The following COX6B1 variants were observed in gnomAD, a reference collection of about 807,000 sequenced individuals.
COX6B1 encodes COX VIb-1.
Under a neutral mutation model 14.0 loss-of-function variants are expected in COX6B1, and 2 were observed. That is an observed-to-expected ratio of 0.14 (90% CI 0.06 to 0.45). The LOEUF is 0.45. Among genes scored for constraint, COX6B1 ranks in the 20% least tolerant of loss-of-function variants. The pLI is 0.98. For missense variants in COX6B1, 81 were observed against 114.2 expected (o/e 0.71, Z 1.33); for synonymous variants, 30 against 39.7 (o/e 0.76, Z 0.92).
At chr19:35,651,560 A>G (rs1967825154) in intron 2 of COX6B1, among the ~76,000 whole-genome samples, 1 of 151,458 alleles carries the variant, frequency 6.6e-6, no homozygotes, top group Admixed American at 6.6e-5. Flanking sequence ...ATTTTTTATT[A>G]TTATTATGGT....
At chr19:35,654,783 C>T (rs1967869143) in intron 3 of COX6B1, 112 bp downstream of exon 3, 1 of 876,644 alleles carries the variant, frequency 1.1e-6, no homozygotes, top group Non-Finnish European at 1.8e-6. Context: ...GACAGGGCAC[C>T]ACACTGTCCC....
intron 3 of COX6B1, among the ~76,000 whole-genome samples, chr19:35,656,100 G>A (rs1568343602): frequency 6.6e-6 from 1 of 152,140 alleles, no homozygotes; most frequent in Non-Finnish European, 1.5e-5. Context: ...AAAGCGCTGG[G>A]ATTATAGGCA....
chr19:35,652,747 C>T (rs566325708), intron 2 of COX6B1, among the ~76,000 whole-genome samples: 2 of 151,790 alleles, frequency 1.3e-5, no homozygotes, highest in Admixed American at 6.6e-5. Context: ...TGCCCGGCCT[C>T]ACATCTTTGT....
rs371502710 is a variant in COX6B1 at position 35,654,691 on chromosome 19, G to A, written c.207+20G>A. 35 of 1,609,678 alleles carry A rather than the reference G, an allele frequency of 2.2e-5. No individual in the cohort carries two copies. The African/African-American group carries it at 3.7e-4, about 17-fold the overall frequency. On this transcript the variant is annotated intron_variant, in intron 3 of 3. Coordinates refer to ENST00000649813, the MANE Select transcript of COX6B1 (RefSeq NM_001863.5). ...TCCTGGGTATGTGCCTCCTGCCAGGGCCCTTGGGATGCTGGGGTGGGGTCT... is the reference window on the plus strand; with the variant it reads ...TCCTGGGTATGTGCCTCCTGCCAGGACCCTTGGGATGCTGGGGTGGGGTCT...
intron 3 of COX6B1, among the ~76,000 whole-genome samples, chr19:35,657,730 C>T (rs1356105749): frequency 6.8e-6 from 1 of 146,890 alleles, no homozygotes; most frequent in East Asian, 2.0e-4. Flanking sequence ...CATCATAGCT[C>T]ACTGCAGCCT....
chr19:35,658,628 C>T lies in COX6B1; in HGVS notation c.242C>T (p.Thr81Met), dbSNP rs1967913181. The T allele has an allele frequency of 5.0e-6, 8 of 1,614,024 alleles. No homozygotes were observed. Among genetic ancestry groups the T allele is most frequent in the Non-Finnish European group, 5.9e-6 (7 of 1,179,940 alleles). ...TGGGATGAGCAACGGGCTGAAGGCA[C>T]GTTTCCCGGGAAGATCTGAACTGGC... ...TDWDEQRAEG[T>M]FPGKI Residue 81 changes from threonine to methionine, a missense_variant, in exon 4 of 4, where the codon ACG becomes ATG. Physicochemically the swap from Thr to Met is moderately conservative, Grantham distance 81. Transcript: ENST00000649813.
At chr19:35,651,145 G>C (rs1027468307) in intron 1 of COX6B1, 88 bp from the exon 2 acceptor site, 1 of 810,654 alleles carries the variant, frequency 1.2e-6, no homozygotes, top group East Asian at 2.5e-5. Context: ...CCATTGTTCC[G>C]TGCCTGCCCT....
chr19:35,651,452 C>T, intron 2 of COX6B1, 103 bp downstream of exon 2: 2 of 856,482 alleles, frequency 2.3e-6, no homozygotes, highest in Non-Finnish European at 1.9e-6. Flanking sequence ...TTCTGAACAT[C>T]CTTACTCTGG....
At chr19:35,649,479 ATTTTTTT>A (rs59460933) in intron 1 of COX6B1, among the ~76,000 whole-genome samples, 1 of 135,140 alleles carries the variant, frequency 7.4e-6, no homozygotes, top group African/African-American at 2.7e-5. Flanking sequence ...GCTAATTTTA[ATTTTTTT>A]TTTTTTTTTT....
At chr19:35,651,422 C>A in intron 2 of COX6B1, 73 bp downstream of exon 2, 1 of 1,078,274 alleles carries the variant, frequency 9.3e-7, no homozygotes, top group Non-Finnish European at 1.4e-6. Context: ...GACCCATCCA[C>A]CCCAGCCTCC....
rs1599624438 is a variant in COX6B1 at position 35,658,780 on chromosome 19, T to C, written c.*133T>C. 1 of 839,202 alleles carries C rather than the reference T, an allele frequency of 1.2e-6. No individual in the cohort carries two copies. The highest frequency in any genetic ancestry group is 2.6e-5 in the East Asian group (1 of 37,924). The allele number at this position is 839,202 out of a possible 1,614,324, so 52.0% of individuals were successfully genotyped here. A position where few individuals can be genotyped will look rare whatever the true frequency, so the allele number is the denominator to read the frequency against. The stretch of plus-strand genomic sequence containing the variant: ...TGCTAATAAAAACTCATTGGAAAAG[T>C]GAGACTATGCGTGTGAACGGGCCAG... On this transcript the variant is annotated 3_prime_UTR_variant, in exon 4 of 4. Coordinates refer to ENST00000649813, the MANE Select transcript of COX6B1 (RefSeq NM_001863.5).
chr19:35,655,318 G>A (rs1015220385), intron 3 of COX6B1, among the ~76,000 whole-genome samples: 14 of 152,084 alleles, frequency 9.2e-5, no homozygotes, highest in African/African-American at 2.9e-4. Context: ...GTGAACCACC[G>A]TGCCCGGCCC....
rs539624800 is a variant in COX6B1 at position 35,649,614 on chromosome 19, G to T, written c.-12+1211G>T. 5.9e-5 allele frequency among the ~76,000 whole-genome samples: 9 copies of T among 152,038 alleles called. No individual in the cohort carries two copies. The East Asian group carries it at 1.7e-3, about 29-fold the overall frequency. ...CTGCCCCAGCCTCCCTGGTAGCTGG[G>T]ATTACAGGTGCACGCCACCATGCCC... On this transcript the variant is annotated intron_variant, in intron 1 of 3. Transcript: ENST00000649813.
chr19:35,651,900 C>T (rs982948742), intron 2 of COX6B1, among the ~76,000 whole-genome samples: 1 of 151,472 alleles, frequency 6.6e-6, no homozygotes, highest in Admixed American at 6.6e-5. Flanking sequence ...TATGTGTGTG[C>T]GTACTGTAAC....
At chr19:35,655,637 T>G (rs1234453346) in intron 3 of COX6B1, among the ~76,000 whole-genome samples, 2 of 145,404 alleles carry the variant, frequency 1.4e-5, no homozygotes, top group African/African-American at 5.2e-5. Context: ...AAAAAAAAAG[T>G]TTTTAAAGAC....
At chr19:35,653,948 C>T (rs1262699996) in intron 2 of COX6B1, among the ~76,000 whole-genome samples, 1 of 152,118 alleles carries the variant, frequency 6.6e-6, no homozygotes, top group African/African-American at 2.4e-5. Context: ...AAGTGATCCA[C>T]CTGCCTTAGC....
intron 2 of COX6B1, among the ~76,000 whole-genome samples, chr19:35,654,289 G>A (rs779259222): frequency 2.0e-5 from 3 of 152,140 alleles, no homozygotes; most frequent in East Asian, 3.9e-4. Flanking sequence ...TTGGGAGGCC[G>A]AGGTGGGCAG....
rs149378348 is a variant in COX6B1, at chr19:35,656,034, G to T, written c.207+1363G>T. 9.3e-3 allele frequency among the ~76,000 whole-genome samples: 1,412 copies of T among 152,010 alleles called. 26 individuals carry two copies. The highest frequency in any genetic ancestry group is 0.031 in the African/African-American group (1,284 of 41,452). ...TGTAGAAATGGGGTTTCGCCTTGTT[G>T]CCCAGACTGGTCTCGAACTCCTGAG... On this transcript the variant is annotated intron_variant, in intron 3 of 3. Transcript: ENST00000649813.
At position 35,649,370 on chromosome 19, in the gene COX6B1, C is replaced by T. The variant is rs527595690; in HGVS notation, c.-12+967C>T. On this transcript the variant is annotated intron_variant, in intron 1 of 3. Coordinates refer to ENST00000649813, the MANE Select transcript of COX6B1 (RefSeq NM_001863.5). The stretch of plus-strand genomic sequence containing the variant: ...AGGGTCACTGTGTCACCCAGGCTGG[C>T]GTGCAGTGGAGAAATCTTGGCTCAC... 1.2e-4 allele frequency among the ~76,000 whole-genome samples: 18 copies of T among 151,926 alleles called. No homozygotes were observed. The South Asian group carries it at 3.1e-3, about 26-fold the overall frequency.
Sources: allele counts gnomAD v4.1 joint callset (sites outside exome capture counted in the v4.1 genomes callset), GRCh38; gene constraint gnomAD v4.1.1; transcripts MANE v1.5; gene names NCBI Gene and HGNC (gene_info 2026-07-23, HGNC 2026-07-21).